The following CADPS variants were observed in gnomAD, a reference collection of about 807,000 sequenced individuals.
The protein encoded by CADPS is calcium-dependent secretion activator 1.
In CADPS, 57 loss-of-function variants were observed where a neutral mutation model predicts 167.3. That is an observed-to-expected ratio of 0.34 (90% CI 0.28 to 0.42). The LOEUF (loss-of-function observed/expected upper bound fraction) is 0.42, where lower values mean the gene tolerates loss of function less well. CADPS is among the 20% of genes least tolerant of loss of function. CADPS has a pLI of 1.00. For missense variants in CADPS, 1,414 were observed against 1,738.1 expected, an observed-to-expected ratio of 0.81 and a Z score of 3.32; for synonymous variants, 676 against 635.3, an observed-to-expected ratio of 1.06 and a Z score of -0.96.
chr3:62,506,651 C>T (rs1470490531), intron 17 of CADPS, among the ~76,000 whole-genome samples: 3 of 152,280 alleles, frequency 2.0e-5, no homozygotes, highest in African/African-American at 7.2e-5. Context: ...ACCTTCTCTA[C>T]TCCATGTTAT....
At chr3:62,817,588 C>A (rs1355176357) in intron 1 of CADPS, among the ~76,000 whole-genome samples, 1 of 152,118 alleles carries the variant, frequency 6.6e-6, no homozygotes, top group African/African-American at 2.4e-5. Flanking sequence ...AAACAACTTC[C>A]AAATCTGGAG....
chr3:62,665,571 A>G (rs188165446), intron 3 of CADPS, among the ~76,000 whole-genome samples: 26 of 152,280 alleles, frequency 1.7e-4, no homozygotes, highest in African/African-American at 6.3e-4. Flanking sequence ...TGATCCTGAC[A>G]GTTAACTAGC....
chr3:62,622,720 G>T (rs185130470), intron 6 of CADPS, among the ~76,000 whole-genome samples: 1 of 152,060 alleles, frequency 6.6e-6, no homozygotes, highest in East Asian at 1.9e-4. Flanking sequence ...ATAAAAGGTT[G>T]CTGAAACCCA....
Position 62,399,710 on chromosome 3 carries a change from C to A in CADPS, c.3883-125G>T. 4.2e-4 allele frequency: 281 copies of A among 667,264 alleles called. No individual in the cohort carries two copies. Among genetic ancestry groups the A allele is most frequent in the East Asian group, 7.3e-4 (27 of 36,912 alleles). 41.3% of individuals were successfully genotyped at this position (667,264 alleles called of 1,614,324 possible). A position where few individuals can be genotyped will look rare whatever the true frequency, so the allele number is the denominator to read the frequency against. ...CTAAATATCACACTTTATGCATTGT[C>A]AAATAAAAAGCCACTGTGCTTAGAT... On this transcript the variant is annotated intron_variant, in intron 29 of 29. Coordinates refer to ENST00000383710, the MANE Select transcript of CADPS (RefSeq NM_003716.4). The surrounding 1 kb of genome is among the most constrained non-coding windows in gnomAD (Gnocchi z 5.6).
intron 14 of CADPS, 51 bp downstream of exon 14, chr3:62,518,098 C>G: frequency 2.1e-5 from 26 of 1,219,702 alleles, no homozygotes; most frequent in Non-Finnish European, 2.9e-5. Flanking sequence ...CTTTAGTTTT[C>G]CCTTCCCACT....
chr3:62,598,096 T>C (rs550419875), intron 6 of CADPS, among the ~76,000 whole-genome samples: 1 of 152,344 alleles, frequency 6.6e-6, no homozygotes, highest in East Asian at 1.9e-4. Context: ...CCACAGTCCA[T>C]CGTTCCATGG....
intron 3 of CADPS, among the ~76,000 whole-genome samples, chr3:62,696,221 T>C (rs2080247989): frequency 6.6e-6 from 1 of 152,068 alleles, no homozygotes; most frequent in African/African-American, 2.4e-5. Flanking sequence ...AGCTGCTCCT[T>C]GCTGGGTTCT....
chr3:62,741,381 A>G (rs541110392), intron 3 of CADPS, among the ~76,000 whole-genome samples: 40 of 152,178 alleles, frequency 2.6e-4, no homozygotes, highest in Non-Finnish European at 4.0e-4. Flanking sequence ...TCAGCAAAAT[A>G]CTGGCAAACT....
chr3:62,425,221 G>C lies in CADPS; in HGVS notation c.3777+12883C>G, dbSNP rs531823920. On this transcript the variant is annotated intron_variant, in intron 28 of 29. Transcript: ENST00000383710. ...CTTTTATCCTTAGAGTCAGGGTTCA[G>C]CCACCTCAGCACTATTGACATTTTT... 3.9e-4 allele frequency among the ~76,000 whole-genome samples: 59 copies of C among 152,306 alleles called. 2 individuals are homozygous for C. The South Asian group carries it at 7.9e-3, about 20-fold the overall frequency.
At chr3:62,853,508 C>T (rs1214567854) in intron 1 of CADPS, among the ~76,000 whole-genome samples, 1 of 151,830 alleles carries the variant, frequency 6.6e-6, no homozygotes, top group Non-Finnish European at 1.5e-5. Flanking sequence ...GCCTGTAATC[C>T]CAGCTACTCG....
intron 1 of CADPS, among the ~76,000 whole-genome samples, chr3:62,850,653 T>C (rs1271292898): frequency 1.3e-5 from 2 of 151,444 alleles, no homozygotes; most frequent in Admixed American, 6.6e-5. Flanking sequence ...TTGTTATAAT[T>C]TCTGTTCTTT....
intron 9 of CADPS, among the ~76,000 whole-genome samples, chr3:62,567,722 G>A (rs946419050): frequency 4.6e-5 from 7 of 151,722 alleles, no homozygotes; most frequent in Non-Finnish European, 7.4e-5. Flanking sequence ...TTACAGGTGC[G>A]AGCCAGCATG....
At chr3:62,653,718 T>C (rs1214812056) in intron 4 of CADPS, among the ~76,000 whole-genome samples, 1 of 152,152 alleles carries the variant, frequency 6.6e-6, no homozygotes, top group Admixed American at 6.6e-5. Flanking sequence ...TAAATATCAA[T>C]GTAGCTAAAA....
At chr3:62,611,085 G>A (rs551249460) in intron 6 of CADPS, among the ~76,000 whole-genome samples, 2 of 152,184 alleles carry the variant, frequency 1.3e-5, no homozygotes, top group Admixed American at 1.3e-4. Context: ...CAGTAGCACT[G>A]AAGCTGAGAA....
chr3:62,820,785 CTTT>C (rs200507595), intron 1 of CADPS, among the ~76,000 whole-genome samples: 9 of 76,874 alleles, frequency 1.2e-4, no homozygotes, highest in Non-Finnish European at 1.7e-4. Flanking sequence ...CTTTCTTCCT[CTTT>C]TTTTTGGTTT....
Position 62,662,374 on chromosome 3 carries a change from T to C in CADPS, c.909A>G (p.Gln303=). 1 of 1,614,006 alleles carries C rather than the reference T, an allele frequency of 6.2e-7. No individual in the cohort carries two copies. Among genetic ancestry groups the C allele is most frequent in the Non-Finnish European group, 8.5e-7 (1 of 1,179,916 alleles). ...NACQLDNPDE[Q]AAQIRRELDG... ...CCAGCTCTCGTCTGATCTGGGCTGC[T>C]TGCTCATCTGGATTGTCCAGCTGCA... is the stretch of plus-strand genomic sequence containing the variant. The change falls in exon 4 of 30, where the codon CAA becomes CAG. Residue 303 remains glutamine (Q), a synonymous_variant. Transcript: ENST00000383710.
At chr3:62,451,234 C>T (rs1348434644) in intron 26 of CADPS, among the ~76,000 whole-genome samples, 3 of 152,084 alleles carry the variant, frequency 2.0e-5, no homozygotes, top group Non-Finnish European at 4.4e-5. Context: ...CATTATTTTT[C>T]AGGTGCCCAA....
intron 3 of CADPS, among the ~76,000 whole-genome samples, chr3:62,699,722 C>A (rs1054399893): frequency 6.6e-6 from 1 of 152,062 alleles, no homozygotes; most frequent in African/African-American, 2.4e-5. Context: ...GCATCTGCCA[C>A]CACACCCGGC....
chr3:62,656,367 C>T (rs1020422196), intron 4 of CADPS, among the ~76,000 whole-genome samples: 2 of 152,134 alleles, frequency 1.3e-5, no homozygotes, highest in African/African-American at 2.4e-5. Flanking sequence ...CTTCCAACAA[C>T]CCACTGATGC....
Sources: allele counts gnomAD v4.1 joint callset (sites outside exome capture counted in the v4.1 genomes callset), GRCh38; gene constraint gnomAD v4.1.1; non-coding constraint Gnocchi (gnomAD v3.1); transcripts MANE v1.5; gene names NCBI Gene and HGNC (gene_info 2026-07-23, HGNC 2026-07-21).